The following RBFOX1 variants were observed in gnomAD, a reference collection of about 807,000 sequenced individuals.
RBFOX1 encodes RNA binding protein fox-1 homolog 1.
In RBFOX1, 8 loss-of-function variants were observed where a neutral mutation model predicts 57.7. That is an observed-to-expected ratio of 0.14 (90% CI 0.08 to 0.25). RBFOX1 has a LOEUF of 0.25. RBFOX1 is among the 10% of genes least tolerant of loss of function. The pLI, the probability that RBFOX1 is intolerant of heterozygous loss-of-function variation, is 1.00. For synonymous variants in RBFOX1, 326 were observed against 222.4 expected, an observed-to-expected ratio of 1.47 and a Z score of -4.15; for missense variants, 611 against 548.5, an observed-to-expected ratio of 1.11 and a Z score of -1.14.
chr16:6,567,105 G>GC (rs902318049), intron 2 of RBFOX1, among the ~76,000 whole-genome samples: 2 of 152,134 alleles, frequency 1.3e-5, no homozygotes, highest in Admixed American at 1.3e-4. Flanking sequence ...TATTAAATGA[G>GC]CAGGCTGTCC....
chr16:7,346,949 G>T (rs1486809500), intron 4 of RBFOX1, among the ~76,000 whole-genome samples: 2 of 152,166 alleles, frequency 1.3e-5, no homozygotes, highest in African/African-American at 4.8e-5. Flanking sequence ...GTTTTGAGGT[G>T]TAGTGCATGA....
chr16:6,522,014 A>C (rs1277085949), intron 2 of RBFOX1, among the ~76,000 whole-genome samples: 1 of 152,152 alleles, frequency 6.6e-6, no homozygotes, highest in Non-Finnish European at 1.5e-5. Flanking sequence ...TACAAAGCCA[A>C]ATATTTGTTT....
chr16:5,267,833 G>C (rs2062899913), intron 1 of RBFOX1, among the ~76,000 whole-genome samples: 1 of 152,170 alleles, frequency 6.6e-6, no homozygotes, highest in Non-Finnish European at 1.5e-5. Flanking sequence ...TGTAATCCCA[G>C]CACTTTGGGA....
At chr16:6,546,320 T>G (rs1471120694) in intron 2 of RBFOX1, among the ~76,000 whole-genome samples, 1 of 152,168 alleles carries the variant, frequency 6.6e-6, no homozygotes, top group Non-Finnish European at 1.5e-5. Context: ...ACAAAGACCT[T>G]GTAAGATAGG....
At chr16:7,307,205 A>T (rs1393519622) in intron 4 of RBFOX1, among the ~76,000 whole-genome samples, 1 of 152,224 alleles carries the variant, frequency 6.6e-6, no homozygotes, top group Non-Finnish European at 1.5e-5. Context: ...ACCACCGGCC[A>T]TCGAGTCTTC....
intron 2 of RBFOX1, among the ~76,000 whole-genome samples, chr16:6,487,673 TAAAAAAAAAAAAAAAAAAAAA>T (rs777856402): frequency 5.2e-5 from 2 of 38,782 alleles, no homozygotes; most frequent in Admixed American, 2.9e-4. Flanking sequence ...GTGATATATG[TAAAAAAAAAAAAAAAAAAAAA>T]AAAAAAATAT....
intron 3 of RBFOX1, among the ~76,000 whole-genome samples, chr16:6,702,377 A>T (rs1464088258): frequency 3.3e-5 from 5 of 152,134 alleles, no homozygotes; most frequent in Non-Finnish European, 5.9e-5. Context: ...AACATGGTGA[A>T]ACTCCATCTC....
chr16:6,263,220 C>A (rs1297194298), intron 1 of RBFOX1, among the ~76,000 whole-genome samples: 1 of 152,092 alleles, frequency 6.6e-6, no homozygotes, highest in African/African-American at 2.4e-5. Context: ...TCTGCTTCCC[C>A]AGGAATTTTG....
intron 1 of RBFOX1, among the ~76,000 whole-genome samples, chr16:6,032,429 G>A (rs1462807305): frequency 6.6e-6 from 1 of 151,818 alleles, no homozygotes; most frequent in African/African-American, 2.4e-5. Context: ...TTGCTTCACT[G>A]AAAGAAAGAA....
intron 3 of RBFOX1, among the ~76,000 whole-genome samples, chr16:5,742,362 C>A (rs2052807201): frequency 8.6e-6 from 1 of 116,680 alleles, no homozygotes; most frequent in African/African-American, 2.9e-5. Context: ...TCCTTCCTTC[C>A]TCTCCTTCCT....
At chr16:7,413,027 G>A (rs1488905628) in intron 4 of RBFOX1, among the ~76,000 whole-genome samples, 1 of 151,958 alleles carries the variant, frequency 6.6e-6, no homozygotes, top group Non-Finnish European at 1.5e-5. Context: ...GGGCGAAAGA[G>A]CGAGACTCCG....
chr16:6,089,820 C>A (rs147493808), intron 1 of RBFOX1, among the ~76,000 whole-genome samples: 1 of 152,144 alleles, frequency 6.6e-6, no homozygotes, highest in Non-Finnish European at 1.5e-5. Context: ...AAGACACCAT[C>A]GCTTTGCATA....
intron 2 of RBFOX1, among the ~76,000 whole-genome samples, chr16:6,415,885 A>G (rs1280903200): frequency 6.6e-6 from 1 of 152,204 alleles, no homozygotes; most frequent in Non-Finnish European, 1.5e-5. Flanking sequence ...TTTTCTGCAG[A>G]TGGGTGCCAG....
At chr16:7,691,399 G>C (rs1434713225) in intron 14 of RBFOX1, among the ~76,000 whole-genome samples, 1 of 151,340 alleles carries the variant, frequency 6.6e-6, no homozygotes, top group Admixed American at 6.6e-5. Flanking sequence ...GAGAAAGAAT[G>C]AAGGGAAAAT....
chr16:7,024,453 T>G (rs1236103743), intron 3 of RBFOX1, among the ~76,000 whole-genome samples: 2 of 152,172 alleles, frequency 1.3e-5, no homozygotes, highest in African/African-American at 4.8e-5. Flanking sequence ...TACCATGAAT[T>G]TATAATCCAT....
At chr16:6,919,607 C>G (rs2074008165) in intron 3 of RBFOX1, among the ~76,000 whole-genome samples, 1 of 152,046 alleles carries the variant, frequency 6.6e-6, no homozygotes, top group Admixed American at 6.6e-5. Context: ...ACCCTGGTAT[C>G]TTCGAACAAG....
intron 3 of RBFOX1, among the ~76,000 whole-genome samples, chr16:6,869,068 A>G (rs960454628): frequency 6.6e-6 from 1 of 152,190 alleles, no homozygotes; most frequent in African/African-American, 2.4e-5. Context: ...ATAAACTTCC[A>G]TTGCTATAAG....
At chr16:7,013,256 C>G (rs1276322811) in intron 3 of RBFOX1, among the ~76,000 whole-genome samples, 5 of 152,180 alleles carry the variant, frequency 3.3e-5, no homozygotes, top group Admixed American at 2.0e-4. Flanking sequence ...GTAGTCCCTA[C>G]TCACATAGGA....
intron 4 of RBFOX1, among the ~76,000 whole-genome samples, chr16:5,944,545 G>T (rs1373112296): frequency 6.6e-6 from 1 of 151,840 alleles, no homozygotes; most frequent in East Asian, 1.9e-4. Context: ...TCCCGAGTTG[G>T]TCCCTTCGGA....
Sources: allele counts gnomAD v4.1 joint callset (sites outside exome capture counted in the v4.1 genomes callset), GRCh38; gene constraint gnomAD v4.1.1; transcripts MANE v1.5; gene names NCBI Gene and HGNC (gene_info 2026-07-23, HGNC 2026-07-21).